BTC: variants seen among roughly 807,000 people sequenced by gnomAD.
BTC encodes the protein probetacellulin.
A neutral mutation model predicts 18.1 loss-of-function variants in BTC; 13 were observed. The ratio of observed to expected loss-of-function variants is 0.72; its 90% CI spans 0.47 to 1.14. The LOEUF is 1.14. Among genes scored for constraint, BTC ranks in the 50% most tolerant of loss-of-function variants. BTC has a pLI of 0.00. For synonymous variants in BTC, 83 were observed against 79.4 expected, an observed-to-expected ratio of 1.05 and a Z score of -0.24; for missense variants, 247 against 224.2, an observed-to-expected ratio of 1.10 and a Z score of -0.65.
intron 2 of BTC, among the ~76,000 whole-genome samples, chr4:74,757,233 G>A (rs1441893240): frequency 6.6e-6 from 1 of 152,180 alleles, no homozygotes; most frequent in African/African-American, 2.4e-5. Context: ...TATGAAAAGG[G>A]TACATATAAT....
At chr4:74,790,347 T>G (rs1161022387) in intron 1 of BTC, among the ~76,000 whole-genome samples, 1 of 152,220 alleles carries the variant, frequency 6.6e-6, no homozygotes. Flanking sequence ...TTCACGTAAT[T>G]GCATTGGTCC....
At chr4:74,749,864 G>A (rs1050907103) in intron 4 of BTC, among the ~76,000 whole-genome samples, 7 of 150,318 alleles carry the variant, frequency 4.7e-5, no homozygotes, top group African/African-American at 1.2e-4. Flanking sequence ...AGAGGCTGAG[G>A]CGGGAGGATC....
intron 2 of BTC, among the ~76,000 whole-genome samples, chr4:74,768,891 A>C (rs572974544): frequency 6.6e-6 from 1 of 152,324 alleles, no homozygotes; most frequent in African/African-American, 2.4e-5. Context: ...ACCAGACTGA[A>C]GAAAAACACA....
intron 2 of BTC, among the ~76,000 whole-genome samples, chr4:74,764,698 G>A (rs909019986): frequency 1.3e-5 from 2 of 152,108 alleles, no homozygotes; most frequent in African/African-American, 4.8e-5. Flanking sequence ...GGAGATAGAG[G>A]CCATTATTTT....
chr4:74,747,360 TA>T (rs1724319620), intron 5 of BTC, among the ~76,000 whole-genome samples: 1 of 152,198 alleles, frequency 6.6e-6, no homozygotes, highest in African/African-American at 2.4e-5. Flanking sequence ...AAGTTTGGAA[TA>T]CTTCTTCCCC....
intron 2 of BTC, among the ~76,000 whole-genome samples, chr4:74,767,735 T>C (rs1233814963): frequency 3.9e-5 from 6 of 151,914 alleles, no homozygotes; most frequent in African/African-American, 1.5e-4. Flanking sequence ...AATAAACCCA[T>C]GAATATATGA....
At chr4:74,771,184 G>T (rs1207719188) in intron 1 of BTC, among the ~76,000 whole-genome samples, 1 of 151,940 alleles carries the variant, frequency 6.6e-6, no homozygotes, top group African/African-American at 2.4e-5. Context: ...AAGAAGAGGA[G>T]GGAGGAAAGT....
chr4:74,784,919 T>C (rs1366577054), intron 1 of BTC, among the ~76,000 whole-genome samples: 1 of 152,196 alleles, frequency 6.6e-6, no homozygotes, highest in East Asian at 1.9e-4. Context: ...GGTTTTGGTA[T>C]CAGGATGATG....
intron 1 of BTC, among the ~76,000 whole-genome samples, chr4:74,784,030 C>T (rs549491316): frequency 3.3e-5 from 5 of 151,716 alleles, no homozygotes; most frequent in African/African-American, 9.7e-5. Context: ...GTCAGGAGTT[C>T]GAGACGAGCC....
chr4:74,780,753 G>A (rs1025276640), intron 1 of BTC, among the ~76,000 whole-genome samples: 9 of 152,044 alleles, frequency 5.9e-5, no homozygotes, highest in Non-Finnish European at 1.0e-4. Context: ...ATTCCAAGAT[G>A]AGGACCATAA....
chr4:74,771,887 T>TA (rs983031331), intron 1 of BTC, among the ~76,000 whole-genome samples: 5 of 152,094 alleles, frequency 3.3e-5, no homozygotes, highest in South Asian at 4.1e-4. Context: ...GGCATGAGTT[T>TA]AAAAAAAATG....
At chr4:74,758,032 G>T (rs1191944024) in intron 2 of BTC, among the ~76,000 whole-genome samples, 4 of 152,190 alleles carry the variant, frequency 2.6e-5, no homozygotes, top group Non-Finnish European at 5.9e-5. Context: ...TAAGTATGAA[G>T]AATGCTGACC....
chr4:74,778,623 T>G (rs1391038828), intron 1 of BTC, among the ~76,000 whole-genome samples: 1 of 151,646 alleles, frequency 6.6e-6, no homozygotes, highest in African/African-American at 2.4e-5. Flanking sequence ...GGAAAAAAAA[T>G]GAAAGGAGGA....
chr4:74,781,939 A>G (rs1725343186), intron 1 of BTC, among the ~76,000 whole-genome samples: 1 of 152,072 alleles, frequency 6.6e-6, no homozygotes, highest in African/African-American at 2.4e-5. Flanking sequence ...AGACATGACC[A>G]AAAAAGTCAG....
intron 3 of BTC, among the ~76,000 whole-genome samples, chr4:74,753,851 A>G (rs1247575293): frequency 6.6e-6 from 1 of 152,222 alleles, no homozygotes; most frequent in Non-Finnish European, 1.5e-5. Context: ...TGTTCTTAAA[A>G]AGTGGGAACT....
intron 1 of BTC, 31 bp downstream of exon 1, chr4:74,794,231 C>G: frequency 6.5e-7 from 1 of 1,549,928 alleles, no homozygotes; most frequent in Non-Finnish European, 8.7e-7. Context: ...GACTTTCCTC[C>G]TGGTTTCCAG....
In BTC at chr4:74,745,155, A is replaced by C. The variant is rs1553955234; in HGVS notation, c.*1522T>G. 1 of 152,256 alleles carries C rather than the reference A, an allele frequency of 6.6e-6. No homozygotes were observed. Among genetic ancestry groups the C allele is most frequent in the Non-Finnish European group, 1.5e-5 (1 of 68,038 alleles). 9.4% of individuals were successfully genotyped at this position (152,256 alleles called of 1,614,324 possible). On this transcript the variant is annotated 3_prime_UTR_variant, in exon 6 of 6. Transcript: ENST00000395743. ...ATACAACATGGATCAGTTGGATATA[A>C]TTGTGTTTCAAGTATGACCATTAAA... is the stretch of plus-strand genomic sequence containing the variant.
At chr4:74,756,419 G>C (rs1724600817) in intron 2 of BTC, among the ~76,000 whole-genome samples, 2 of 152,064 alleles carry the variant, frequency 1.3e-5, no homozygotes, top group African/African-American at 4.8e-5. Context: ...TTTGCTTCTT[G>C]TATATTATTC....
chr4:74,791,996 CACACACACACAA>C (rs1029371775), intron 1 of BTC, among the ~76,000 whole-genome samples: 31 of 148,082 alleles, frequency 2.1e-4, no homozygotes, highest in African/African-American at 7.3e-4. Flanking sequence ...CACACACACA[CACACACACACAA>C]ACACTAGTGT....
Sources: allele counts gnomAD v4.1 joint callset (sites outside exome capture counted in the v4.1 genomes callset), GRCh38; gene constraint gnomAD v4.1.1; transcripts MANE v1.5; gene names NCBI Gene and HGNC (gene_info 2026-07-23, HGNC 2026-07-21).